KRTAP10-9: variants seen among roughly 807,000 people sequenced by gnomAD.
KRTAP10-9 encodes the protein keratin associated protein 10-9, also known as keratin-associated protein 10-9.
KRTAP10-9 carries 1 observed loss-of-function variant against 0.5 expected under a neutral mutation model. The observed-to-expected ratio is 1.92, with a 90% CI of 0.68 to 9.09. The LOEUF is 9.09. Ranked by LOEUF, KRTAP10-9 falls within the 30% of genes most tolerant of loss-of-function variation. KRTAP10-9 has a pLI of 0.13. For missense variants in KRTAP10-9, 391 were observed against 376.4 expected, an observed-to-expected ratio of 1.04 and a Z score of -0.32; for synonymous variants, 199 against 159.8, an observed-to-expected ratio of 1.25 and a Z score of -1.85.
In KRTAP10-9 at chr21:44,627,794, T is replaced by C; in HGVS notation, c.623T>C (p.Leu208Ser). The C allele has an allele frequency of 2.5e-6, 4 of 1,597,812 alleles. No individual in the cohort carries two copies. Among genetic ancestry groups the C allele is most frequent in the East Asian group, 2.3e-5 (1 of 44,372 alleles). ...CVPVCSGASS[L>S]CCQQSGCQPA... ...CCTGTCTGCTCTGGGGCTTCCTCTTTGTGCTGCCAGCAGTCTGGCTGCCAG... is the reference window on the plus strand; with the variant it reads ...CCTGTCTGCTCTGGGGCTTCCTCTTCGTGCTGCCAGCAGTCTGGCTGCCAG... Residue 208 changes from leucine to serine, a missense_variant, in exon 1 of 1, where the codon TTG (leucine) becomes TCG (serine). By Grantham distance (145) the Leu-to-Ser change is moderately radical. Coordinates refer to ENST00000397911, the MANE Select transcript of KRTAP10-9 (RefSeq NM_198690.3).
At position 44,627,165 on chromosome 21, in the gene KRTAP10-9, C is replaced by T. The variant is rs587663599; in HGVS notation, c.-7C>T. On this transcript the variant is annotated 5_prime_UTR_variant, in exon 1 of 1. Coordinates refer to ENST00000397911, the MANE Select transcript of KRTAP10-9 (RefSeq NM_198690.3). ...CCTCCCCCAGCTCACCTCCTCCCCACCCCAGCATGGCCGCGTCCACCATGT... is the reference window on the plus strand; with the variant it reads ...CCTCCCCCAGCTCACCTCCTCCCCATCCCAGCATGGCCGCGTCCACCATGT... The T allele has an allele frequency of 1.2e-6, 2 of 1,610,434 alleles. No homozygotes were observed. Among genetic ancestry groups the T allele is most frequent in the Non-Finnish European group, 1.7e-6 (2 of 1,178,508 alleles).
In KRTAP10-9 at chr21:44,627,238, C is replaced by T. The variant is rs782507473; in HGVS notation, c.67C>T (p.Pro23Ser). Residue 23 changes from proline (P) to serine (S), a missense_variant, in exon 1 of 1, where the codon CCA becomes TCA. By Grantham distance (74) the Pro-to-Ser change is moderately conservative. Coordinates refer to ENST00000397911, the MANE Select transcript of KRTAP10-9 (RefSeq NM_198690.3). ...CGACTCCTGGCAGGTGGACGACTGC[C>T]CAGAGAGCTGCTGTGAGCCCCCCTG... is the stretch of plus-strand genomic sequence containing the variant. ...YSDSWQVDDC[P>S]ESCCEPPCCA... is the part of the protein sequence containing the mutation. The T allele has an allele frequency of 2.5e-6, 4 of 1,612,810 alleles. No individual in the cohort carries two copies. Among genetic ancestry groups the T allele is most frequent in the Non-Finnish European group, 2.5e-6 (3 of 1,180,000 alleles).
Position 44,628,074 on chromosome 21 carries a change from C to G in KRTAP10-9, c.*24C>G, listed in dbSNP as rs782214697. On this transcript the variant is annotated 3_prime_UTR_variant, in exon 1 of 1. Coordinates refer to ENST00000397911, the MANE Select transcript of KRTAP10-9 (RefSeq NM_198690.3). ...GACGGTCATGTCCCCCAGGGCCAGC[C>G]GGGCTCAGGCCCCACCTCCCTGCCA... 6.3e-7 allele frequency: 1 copy of G among 1,595,376 alleles called. No homozygotes were observed. The highest frequency in any genetic ancestry group is 1.1e-5 in the South Asian group (1 of 87,280).
In KRTAP10-9 at chr21:44,627,913, T is replaced by C. The variant is rs199639282; in HGVS notation, c.742T>C (p.Ser248Pro). 233 of 1,519,296 alleles carry C rather than the reference T, an allele frequency of 1.5e-4. 1 individual carries two copies. The East Asian group carries it at 3.9e-3, about 26-fold the overall frequency. 94.1% of individuals were successfully genotyped at this position (1,519,296 alleles called of 1,614,324 possible). Residue 248 changes from serine to proline, a missense_variant, in exon 1 of 1, where the codon TCC becomes CCC. By Grantham distance (74) the Ser-to-Pro change is moderately conservative (BLOSUM62 -1). Transcript: ENST00000397911. Reference sequence around the variant, plus strand: ...CAGGCCCGCCTGCTGCGTGCCCGTCTCCTCCTGCTGTGCCCCCACCTCCTC... The same window carrying C: ...CAGGCCCGCCTGCTGCGTGCCCGTCCCCTCCTGCTGTGCCCCCACCTCCTC... ...VCRPACCVPV[S>P]SCCAPTSSRQ...
At position 44,627,719 on chromosome 21, in the gene KRTAP10-9, G is replaced by T; in HGVS notation, c.548G>T (p.Cys183Phe). ...TCCTCCCCCTGCCAGCAGTCCTACT[G>T]TGTGCCTGTCTGCTGTAAGCCTGTC... Reference protein sequence around the residue: ...CTSSPCQQSYCVPVCCKPVCC... With the variant: ...CTSSPCQQSYFVPVCCKPVCC... Residue 183 changes from cysteine (C) to phenylalanine (F), a missense_variant, in exon 1 of 1, where the codon TGT becomes TTT. By Grantham distance (205) the Cys-to-Phe change is radical. Coordinates refer to ENST00000397911, the MANE Select transcript of KRTAP10-9 (RefSeq NM_198690.3). 6.3e-7 allele frequency: 1 copy of T among 1,595,054 alleles called. No homozygotes were observed. The highest frequency in any genetic ancestry group is 8.6e-7 in the Non-Finnish European group (1 of 1,167,502).
In KRTAP10-9 at chr21:44,627,287, C is replaced by T. The variant is rs185394765; in HGVS notation, c.116C>T (p.Pro39Leu). The T allele has an allele frequency of 2.2e-4, 349 of 1,612,558 alleles. 1 individual carries two copies. The African/African-American group carries it at 3.8e-3, about 18-fold the overall frequency. Residue 39 changes from proline to leucine, a missense_variant, in exon 1 of 1, where the codon CCG becomes CTG. Physicochemically the swap from Pro to Leu is moderately conservative, Grantham distance 98 (BLOSUM62 -3). Coordinates refer to ENST00000397911, the MANE Select transcript of KRTAP10-9 (RefSeq NM_198690.3). ...TGCTGCGCCACCAGCTGCTGCGCCC[C>T]GGCCCCCTGCCTGACCCTGGTCTGC... Reference protein sequence around the residue: ...PPCCATSCCAPAPCLTLVCTP... With the variant: ...PPCCATSCCALAPCLTLVCTP...
chr21:44,627,268 G>T lies in KRTAP10-9; in HGVS notation c.97G>T (p.Ala33Ser). 6.2e-7 allele frequency: 1 copy of T among 1,612,506 alleles called. No homozygotes were observed. The change falls in exon 1 of 1, where the codon GCC becomes TCC. Residue 33 changes from alanine (A) to serine (S), a missense_variant. By Grantham distance (99) the Ala-to-Ser change is moderately conservative. Transcript: ENST00000397911. ...GAGCTGCTGTGAGCCCCCCTGCTGC[G>T]CCACCAGCTGCTGCGCCCCGGCCCC... ...PESCCEPPCC[A>S]TSCCAPAPCL...
Position 44,627,379 on chromosome 21 carries a change from G to T in KRTAP10-9, c.208G>T (p.Gly70Cys). 1 of 1,613,834 alleles carries T rather than the reference G, an allele frequency of 6.2e-7. No individual in the cohort carries two copies. Among genetic ancestry groups the T allele is most frequent in the South Asian group, 1.1e-5 (1 of 91,074 alleles). ...VTCEPSPCQSGCTSSCTPSCC... is the reference protein window; with the variant it reads ...VTCEPSPCQSCCTSSCTPSCC... The stretch of plus-strand genomic sequence containing the variant: ...CTGTGAGCCCAGCCCCTGCCAATCA[G>T]GCTGCACCAGCTCCTGCACGCCCTC... Residue 70 changes from glycine to cysteine, a missense_variant, in exon 1 of 1, where the codon GGC becomes TGC. Physicochemically the swap from Gly to Cys is radical, Grantham distance 159. Coordinates refer to ENST00000397911, the MANE Select transcript of KRTAP10-9 (RefSeq NM_198690.3).
rs1555935021 is a variant in KRTAP10-9 at position 44,628,225 on chromosome 21, C to T, written c.*175C>T. 1.7e-5 allele frequency: 12 copies of T among 686,524 alleles called. No individual in the cohort carries two copies. The highest frequency in any genetic ancestry group is 9.7e-5 in the South Asian group (5 of 51,660). 42.5% of individuals were successfully genotyped at this position (686,524 alleles called of 1,614,324 possible). On this transcript the variant is annotated 3_prime_UTR_variant, in exon 1 of 1. Transcript: ENST00000397911. ...GCTCCTCCCTGACCTCCCCCCCGGGCAGGCGAGCCCTGGCTTCTCCTCACG... is the reference window on the plus strand; with the variant it reads ...GCTCCTCCCTGACCTCCCCCCCGGGTAGGCGAGCCCTGGCTTCTCCTCACG...
In KRTAP10-9 at chr21:44,627,766, G is replaced by A; in HGVS notation, c.595G>A (p.Val199Met). 12 of 1,599,798 alleles carry A rather than the reference G, an allele frequency of 7.5e-6. No individual in the cohort carries two copies. The highest frequency in any genetic ancestry group is 1.0e-5 in the Non-Finnish European group (12 of 1,171,224). The change falls in exon 1 of 1, where the codon GTG becomes ATG. Residue 199 changes from valine (V) to methionine (M), a missense_variant. Transcript: ENST00000397911. ...TGTCTGCTGCAAACCCATCTGCTGTGTGCCTGTCTGCTCTGGGGCTTCCTC... is the reference window on the plus strand; with the variant it reads ...TGTCTGCTGCAAACCCATCTGCTGTATGCCTGTCTGCTCTGGGGCTTCCTC... ...KPVCCKPICCVPVCSGASSLC... is the reference protein window; with the variant it reads ...KPVCCKPICCMPVCSGASSLC...
Position 44,627,923 on chromosome 21 carries a change from G to A in KRTAP10-9, c.752G>A (p.Cys251Tyr). The change falls in exon 1 of 1, where the codon TGT becomes TAT. Residue 251 changes from cysteine (C) to tyrosine (Y), a missense_variant. Cys to Tyr is a radical substitution (Grantham distance 194). Coordinates refer to ENST00000397911, the MANE Select transcript of KRTAP10-9 (RefSeq NM_198690.3). ...TGCTGCGTGCCCGTCTCCTCCTGCT[G>A]TGCCCCCACCTCCTCCCGCCAGCCC... ...PACCVPVSSC[C>Y]APTSSRQPSY... 2.6e-6 allele frequency: 4 copies of A among 1,519,786 alleles called. No individual in the cohort carries two copies. The highest frequency in any genetic ancestry group is 3.6e-6 in the Non-Finnish European group (4 of 1,117,996). The allele number at this position is 1,519,786 out of a possible 1,614,324, so 94.1% of individuals were successfully genotyped here.
chr21:44,628,023 C>T lies in KRTAP10-9; in HGVS notation c.852C>T (p.Phe284=), dbSNP rs1215876311. The T allele has an allele frequency of 8.1e-6, 13 of 1,613,370 alleles. No individual in the cohort carries two copies. The highest frequency in any genetic ancestry group is 2.2e-5 in the East Asian group (1 of 44,884). Residue 284 remains phenylalanine, a synonymous_variant, in exon 1 of 1, where the codon TTC becomes TTT. Transcript: ENST00000397911. ...GCTCCCGCCCGGCCTGCTACAGCTT[C>T]TCCTCAGGCCAGAAGTCCAGCTGCT... ...PVCSRPACYS[F]SSGQKSSC
chr21:44,628,052 G>A lies in KRTAP10-9; in HGVS notation c.*2G>A, dbSNP rs376402427. ...TCAGGCCAGAAGTCCAGCTGCTGAC[G>A]GTCATGTCCCCCAGGGCCAGCCGGG... On this transcript the variant is annotated 3_prime_UTR_variant, in exon 1 of 1. Transcript: ENST00000397911. 8.4e-5 allele frequency: 135 copies of A among 1,610,040 alleles called. No homozygotes were observed. Among genetic ancestry groups the A allele is most frequent in the Non-Finnish European group, 1.1e-4 (125 of 1,177,634 alleles).
In KRTAP10-9 at chr21:44,627,873, C is replaced by G; in HGVS notation, c.702C>G (p.Leu234=). Residue 234 remains leucine (L), a synonymous_variant, in exon 1 of 1, where the codon CTC becomes CTG. Coordinates refer to ENST00000397911, the MANE Select transcript of KRTAP10-9 (RefSeq NM_198690.3). The stretch of plus-strand genomic sequence containing the variant: ...GACCCTCCTCCTCTGTGTCCCTCCT[C>G]TGCCGCCCTGTGTGCAGGCCCGCCT... ...CCRPSSSVSL[L]CRPVCRPACC... 15 of 1,613,042 alleles carry G rather than the reference C, an allele frequency of 9.3e-6. No homozygotes were observed. Among genetic ancestry groups the G allele is most frequent in the Non-Finnish European group, 1.2e-5 (14 of 1,179,200 alleles).
Position 44,627,990 on chromosome 21 carries a change from C to A in KRTAP10-9, c.819C>A (p.Arg273=), listed in dbSNP as rs200392396. The change falls in exon 1 of 1, where the codon CGC becomes CGA. Residue 273 remains arginine (R), a synonymous_variant. Transcript: ENST00000397911. The part of the protein sequence containing the change: ...RQASCVSLLC[R]PVCSRPACYS... ...CCTCCTGTGTGTCCCTTCTCTGCCG[C>A]CCTGTGTGCTCCCGCCCGGCCTGCT... The A allele has an allele frequency of 1.4e-5, 22 of 1,611,048 alleles. No individual in the cohort carries two copies. The highest frequency in any genetic ancestry group is 1.8e-5 in the Non-Finnish European group (21 of 1,177,960).
Position 44,627,562 on chromosome 21 carries a change from T to G in KRTAP10-9, c.391T>G (p.Cys131Gly), listed in dbSNP as rs1281769295. The G allele has an allele frequency of 1.2e-5, 20 of 1,613,318 alleles. No homozygotes were observed. Among genetic ancestry groups the G allele is most frequent in the Non-Finnish European group, 1.7e-5 (20 of 1,179,854 alleles). Residue 131 changes from cysteine (C) to glycine (G), a missense_variant, in exon 1 of 1, where the codon TGT becomes GGT. Physicochemically the swap from Cys to Gly is radical, Grantham distance 159. Coordinates refer to ENST00000397911, the MANE Select transcript of KRTAP10-9 (RefSeq NM_198690.3). ...ACAGTCTAGCTACCAGCCAGCTTGCTGTGCCTCTTCCTCCTGCCAGCCGGC... is the reference window on the plus strand; with the variant it reads ...ACAGTCTAGCTACCAGCCAGCTTGCGGTGCCTCTTCCTCCTGCCAGCCGGC... ...CQQSSYQPACCASSSCQPACC... is the reference protein window; with the variant it reads ...CQQSSYQPACGASSSCQPACC...
Position 44,627,360 on chromosome 21 carries a change from G to C in KRTAP10-9, c.189G>C (p.Glu63Asp), listed in dbSNP as rs1982889492. The C allele has an allele frequency of 6.2e-7, 1 of 1,613,540 alleles. No individual in the cohort carries two copies. The highest frequency in any genetic ancestry group is 8.5e-7 in the Non-Finnish European group (1 of 1,179,956). Reference protein sequence around the residue: ...VSSPCCQVTCEPSPCQSGCTS... With the variant: ...VSSPCCQVTCDPSPCQSGCTS... Reference sequence around the variant, plus strand: ...GCCCCTGCTGCCAGGTGACCTGTGAGCCCAGCCCCTGCCAATCAGGCTGCA... The same window carrying C: ...GCCCCTGCTGCCAGGTGACCTGTGACCCCAGCCCCTGCCAATCAGGCTGCA... Residue 63 changes from glutamate (E) to aspartate (D), a missense_variant, in exon 1 of 1, where the codon GAG becomes GAC. Glu to Asp is a conservative substitution (Grantham distance 45, BLOSUM62 2). Transcript: ENST00000397911.
chr21:44,627,197 G>A lies in KRTAP10-9; in HGVS notation c.26G>A (p.Arg9His), dbSNP rs1555934550. MAASTMSI[R>H]SSAYSDSWQV... ...ATGGCCGCGTCCACCATGTCCATCC[G>A]CTCCAGCGCTTACTCCGACTCCTGG... Residue 9 changes from arginine to histidine, a missense_variant, in exon 1 of 1, where the codon CGC becomes CAC. Physicochemically the swap from Arg to His is conservative, Grantham distance 29 (BLOSUM62 0). Coordinates refer to ENST00000397911, the MANE Select transcript of KRTAP10-9 (RefSeq NM_198690.3). The A allele has an allele frequency of 3.7e-6, 6 of 1,612,718 alleles. No individual in the cohort carries two copies. The highest frequency in any genetic ancestry group is 2.2e-5 in the South Asian group (2 of 91,000).
chr21:44,627,977 C>A lies in KRTAP10-9; in HGVS notation c.806C>A (p.Ser269Tyr), dbSNP rs1555934932. The A allele has an allele frequency of 6.5e-7, 1 of 1,529,392 alleles. No homozygotes were observed. Among genetic ancestry groups the A allele is most frequent in the East Asian group, 2.4e-5 (1 of 41,768 alleles). 94.7% of individuals were successfully genotyped at this position (1,529,392 alleles called of 1,614,324 possible). Residue 269 changes from serine to tyrosine, a missense_variant, in exon 1 of 1, where the codon TCC (serine) becomes TAC (tyrosine). Transcript: ENST00000397911. Reference protein sequence around the residue: ...PSYCRQASCVSLLCRPVCSRP... With the variant: ...PSYCRQASCVYLLCRPVCSRP... ...TATTGCCGCCAGGCCTCCTGTGTGTCCCTTCTCTGCCGCCCTGTGTGCTCC... is the reference window on the plus strand; with the variant it reads ...TATTGCCGCCAGGCCTCCTGTGTGTACCTTCTCTGCCGCCCTGTGTGCTCC...
Sources: allele counts gnomAD v4.1 joint callset, GRCh38; gene constraint gnomAD v4.1.1; transcripts MANE v1.5; gene names NCBI Gene and HGNC (gene_info 2026-07-23, HGNC 2026-07-21).